Variants in SRC observed in about 807,000 individuals in gnomAD.
SRC encodes proto-oncogene tyrosine-protein kinase Src.
SRC carries 13 observed loss-of-function variants against 62.9 expected under a neutral mutation model. That is an observed-to-expected ratio of 0.21 (90% confidence interval 0.13 to 0.33). The LOEUF (loss-of-function observed/expected upper bound fraction) is 0.33. Ranked by LOEUF, SRC falls within the 10% of genes least tolerant of loss-of-function variation. The probability of loss-of-function intolerance (pLI) is 1.00; values close to 1 mark genes in which losing one functional copy is unlikely to be tolerated. For synonymous variants in SRC, 302 were observed against 317.5 expected (o/e 0.95, Z 0.52); for missense variants, 457 against 737.3 (o/e 0.62, Z 4.40).
rs1568625212 is a variant in SRC, at chr20:37,368,530, T to TG, written c.-173+3253_-173+3254insG. Among the ~76,000 whole-genome samples the TG allele has an allele frequency of 2.5e-5, 3 of 121,050 alleles. No individual in the cohort carries two copies. The East Asian group carries it at 8.9e-4, about 36-fold the overall frequency. 79.4% of individuals were successfully genotyped at this position (121,050 alleles called of 152,430 possible). A position where few individuals can be genotyped will look rare whatever the true frequency, so the allele number is the denominator to read the frequency against. On this transcript the variant is annotated intron_variant, in intron 2 of 13. Transcript: ENST00000373578. ...ATGCCTATATTTTCTTTTTTTTTTT[T>TG]TTTTTTTTTTTTTGTTTTTTTTTTT...
chr20:37,346,287 C>A (rs1299523575), intron 1 of SRC, 32 bp downstream of exon 1: 1 of 148,816 alleles, frequency 6.7e-6, no homozygotes, highest in African/African-American at 2.5e-5. Flanking sequence ...GCGGACCCCC[C>A]GCCCCGGCCA....
intron 1 of SRC, among the ~76,000 whole-genome samples, chr20:37,363,214 G>A (rs1490659195): frequency 1.3e-5 from 2 of 152,218 alleles, no homozygotes; most frequent in South Asian, 4.1e-4. Context: ...CCTGAGAAAA[G>A]CTTCCTGGCC....
In SRC at chr20:37,400,034, G is replaced by A. The variant is rs1465708833; in HGVS notation, c.860-81G>A. The A allele has an allele frequency of 2.3e-5, 33 of 1,407,764 alleles. No individual in the cohort carries two copies. In the Admixed American group the frequency reaches 4.7e-4, roughly 20 times the overall value. 87.2% of individuals were successfully genotyped at this position (1,407,764 alleles called of 1,614,324 possible). A position where few individuals can be genotyped will look rare whatever the true frequency, so the allele number is the denominator to read the frequency against. ...TGTGGAGGCCACAGCTGACACTGGC[G>A]CCCAGGTGGGCAGATCCTGGATCCC... On this transcript the variant is annotated intron_variant, in intron 9 of 13. Transcript: ENST00000373578.
chr20:37,372,210 T>C (rs866620193), intron 2 of SRC, among the ~76,000 whole-genome samples: 2 of 151,712 alleles, frequency 1.3e-5, no homozygotes, highest in Non-Finnish European at 2.9e-5. Context: ...GATTTCACCA[T>C]CTCCTGAGCT....
chr20:37,397,627 GAC>G lies in SRC; in HGVS notation c.704-65_704-64del, dbSNP rs1283340115. The G allele has an allele frequency of 4.1e-6, 6 of 1,464,524 alleles. No homozygotes were observed. Among genetic ancestry groups the G allele is most frequent in the Non-Finnish European group, 1.8e-6 (2 of 1,106,210 alleles). The allele number at this position is 1,464,524 out of a possible 1,614,324, so 90.7% of individuals were successfully genotyped here. A position where few individuals can be genotyped will look rare whatever the true frequency, so the allele number is the denominator to read the frequency against. On this transcript the variant is annotated intron_variant, in intron 8 of 13. Transcript: ENST00000373578. This position sits in a 1 kb window ranked among gnomAD's most constrained non-coding sequence, Gnocchi z 4.1. ...TCTGTGTGCATCTGGCATGTAGGGC[GAC>G]ACACACTGAGGGGCAGGGAGGCCCC...
At chr20:37,373,360 A>G (rs549922834) in intron 2 of SRC, among the ~76,000 whole-genome samples, 116 of 150,464 alleles carry the variant, frequency 7.7e-4, no homozygotes, top group Non-Finnish European at 1.2e-3. Context: ...GTACATATAT[A>G]CACATACACA....
At chr20:37,401,933 G>C in intron 11 of SRC, 1 of 443,548 alleles carries the variant, frequency 2.3e-6, no homozygotes, top group Non-Finnish European at 3.9e-6. Context: ...CTCAGTTGTC[G>C]TCTCTGTAAA....
rs1260223338 is a variant in SRC, at chr20:37,384,328, G to A, written c.175G>A (p.Ala59Thr). 6.8e-7 allele frequency: 1 copy of A among 1,465,002 alleles called. No individual in the cohort carries two copies. Among genetic ancestry groups the A allele is most frequent in the South Asian group, 1.3e-5 (1 of 76,658 alleles). 90.8% of individuals were successfully genotyped at this position (1,465,002 alleles called of 1,614,324 possible). A position where few individuals can be genotyped will look rare whatever the true frequency, so the allele number is the denominator to read the frequency against. ...CAGCGCGGCCTTCGCCCCCGCGGCC[G>A]CCGAGCCCAAGCTGTTCGGAGGCTT... ...GPSAAFAPAA[A>T]EPKLFGGFNS... The change falls in exon 4 of 14, where the codon GCC (alanine) becomes ACC (threonine). Residue 59 changes from alanine to threonine, a missense_variant. Transcript: ENST00000373578. The surrounding 1 kb of genome is among the most constrained non-coding windows in gnomAD (Gnocchi z 6.7).
intron 9 of SRC, among the ~76,000 whole-genome samples, chr20:37,399,837 C>T (rs1392950571): frequency 2.0e-5 from 3 of 152,178 alleles, no homozygotes; most frequent in Admixed American, 6.5e-5. Flanking sequence ...TGAGCCACCA[C>T]GCCCAGCCTG....
At chr20:37,361,733 C>T (rs2069973959) in intron 1 of SRC, among the ~76,000 whole-genome samples, 1 of 152,240 alleles carries the variant, frequency 6.6e-6, no homozygotes, top group African/African-American at 2.4e-5. Context: ...TCAGTGTTCT[C>T]TGTGATCCTC....
At chr20:37,365,052 C>T (rs561664280) in intron 1 of SRC, among the ~76,000 whole-genome samples, 152 bp from the exon 2 acceptor site, 11 of 152,252 alleles carry the variant, frequency 7.2e-5, no homozygotes, top group South Asian at 4.2e-4. Flanking sequence ...AGTGCACTGC[C>T]GTGTCCATAG....
Position 37,353,031 on chromosome 20 carries a change from T to A in SRC, c.-247+6776T>A, listed in dbSNP as rs78687374. Among the ~76,000 whole-genome samples the A allele has an allele frequency of 1.4e-4, 22 of 152,354 alleles. No homozygotes were observed. The East Asian group carries it at 3.9e-3, about 27-fold the overall frequency. Reference sequence around the variant, plus strand: ...TGGCTCTGACACATTCTGCCTTAGATGACAAGTCATAGGATTCTTTTTGCC... The same window carrying A: ...TGGCTCTGACACATTCTGCCTTAGAAGACAAGTCATAGGATTCTTTTTGCC... On this transcript the variant is annotated intron_variant, in intron 1 of 13. Coordinates refer to ENST00000373578, the MANE Select transcript of SRC (RefSeq NM_198291.3).
In SRC at chr20:37,400,394, G is replaced by A. The variant is rs2147117522; in HGVS notation, c.1039+100G>A. 5 of 1,156,996 alleles carry A rather than the reference G, an allele frequency of 4.3e-6. No homozygotes were observed. In the East Asian group the frequency reaches 1.3e-4, roughly 31 times the overall value. The allele number at this position is 1,156,996 out of a possible 1,614,324, so 71.7% of individuals were successfully genotyped here. ...CATGTCTAGAATGGGCATCTTCAAA[G>A]GTGGAATGCAGTAGAGCCAAATTCT... On this transcript the variant is annotated intron_variant, in intron 10 of 13. Transcript: ENST00000373578.
At chr20:37,346,652 C>CG in intron 1 of SRC, among the ~76,000 whole-genome samples, 1 of 149,976 alleles carries the variant, frequency 6.7e-6, no homozygotes, top group East Asian at 2.0e-4. Flanking sequence ...CCCGGCCCTG[C>CG]GCCCCCCGGC....
chr20:37,393,597 T>C (rs895289532), intron 5 of SRC: 37 of 217,256 alleles, frequency 1.7e-4, no homozygotes, highest in Non-Finnish European at 3.0e-4. Context: ...AATTTCTTCC[T>C]GTCCCGGGAC....
chr20:37,374,772 G>T (rs1381212515), intron 2 of SRC, among the ~76,000 whole-genome samples: 1 of 150,780 alleles, frequency 6.6e-6, no homozygotes, highest in African/African-American at 2.4e-5. Context: ...ATGGGGTTTC[G>T]CCATGTTGTC....
chr20:37,403,142 G>A lies in SRC; in HGVS notation c.1403-29G>A, dbSNP rs776709965. The A allele has an allele frequency of 7.3e-6, 11 of 1,510,170 alleles. No homozygotes were observed. Among genetic ancestry groups the A allele is most frequent in the Admixed American group, 4.0e-5 (2 of 49,574 alleles). 93.5% of individuals were successfully genotyped at this position (1,510,170 alleles called of 1,614,324 possible). On this transcript the variant is annotated intron_variant, in intron 13 of 13. Coordinates refer to ENST00000373578, the MANE Select transcript of SRC (RefSeq NM_198291.3). The surrounding 1 kb of genome is among the most constrained non-coding windows in gnomAD (Gnocchi z 7.1). ...CCACCCCACTTTCCTCACCGGAGCC[G>A]GGCTCCCCATGCCTCGCTCTGCCCA...
At position 37,384,243 on chromosome 20, in the gene SRC, C is replaced by A; in HGVS notation, c.90C>A (p.Gly30=). The A allele has an allele frequency of 6.4e-7, 1 of 1,567,292 alleles. No homozygotes were observed. The highest frequency in any genetic ancestry group is 1.1e-5 in the South Asian group (1 of 88,228). ...PAENVHGAGG[G]AFPASQTPSK... The stretch of plus-strand genomic sequence containing the variant: ...AGAACGTGCACGGCGCTGGCGGGGG[C>A]GCTTTCCCCGCCTCGCAGACCCCCA... The change falls in exon 4 of 14, where the codon GGC becomes GGA. Residue 30 remains glycine, a synonymous_variant. Transcript: ENST00000373578. This position sits in a 1 kb window ranked among gnomAD's most constrained non-coding sequence, Gnocchi z 6.7.
In SRC at chr20:37,384,814, C is replaced by G. The variant is rs952993428; in HGVS notation, c.250+411C>G. On this transcript the variant is annotated intron_variant, in intron 4 of 13. Coordinates refer to ENST00000373578, the MANE Select transcript of SRC (RefSeq NM_198291.3). This position sits in a 1 kb window ranked among gnomAD's most constrained non-coding sequence, Gnocchi z 6.7. Reference sequence around the variant, plus strand: ...CTGGGTCGCTCGGGGAACGGGGCACCGGATGGCCCCGGTTGGGCCCGCGCC... The same window carrying G: ...CTGGGTCGCTCGGGGAACGGGGCACGGGATGGCCCCGGTTGGGCCCGCGCC... 2.6e-5 allele frequency among the ~76,000 whole-genome samples: 4 copies of G among 152,198 alleles called. No individual in the cohort carries two copies. Among genetic ancestry groups the G allele is most frequent in the Non-Finnish European group, 5.9e-5 (4 of 68,020 alleles).
Sources: gnomAD v4.1 joint callset for allele counts (sites outside exome capture counted in the v4.1 genomes callset) on GRCh38, gnomAD v4.1.1 for gene constraint, Gnocchi (gnomAD v3.1) non-coding constraint, MANE v1.5 for transcripts, NCBI Gene and HGNC (gene_info 2026-07-23, HGNC 2026-07-21) for gene names.